KCNH7: variants seen among roughly 807,000 people sequenced by gnomAD.
KCNH7 encodes the protein potassium voltage-gated channel subfamily H member 7.
KCNH7 carries 49 observed loss-of-function variants against 120.8 expected under a neutral mutation model. The observed-to-expected ratio is 0.41, with a 90% CI of 0.32 to 0.51. KCNH7 has a LOEUF of 0.51. KCNH7 is among the 20% of genes least tolerant of loss of function. The pLI, the probability that KCNH7 is intolerant of heterozygous loss-of-function variation, is 0.38. For synonymous variants in KCNH7, 547 were observed against 516.1 expected, an observed-to-expected ratio of 1.06 and a Z score of -0.81; for missense variants, 1,097 against 1,446.6, an observed-to-expected ratio of 0.76 and a Z score of 3.92.
At chr2:162,514,135 A>C (rs1240402376) in intron 4 of KCNH7, among the ~76,000 whole-genome samples, 1 of 151,836 alleles carries the variant, frequency 6.6e-6, no homozygotes, top group Non-Finnish European at 1.5e-5. Flanking sequence ...ATATATCATA[A>C]TAATTTCAAA....
chr2:162,719,970 C>T (rs1025489871), intron 2 of KCNH7, among the ~76,000 whole-genome samples: 41 of 152,064 alleles, frequency 2.7e-4, no homozygotes, highest in African/African-American at 8.9e-4. Context: ...CAAGAAAAGT[C>T]TCCAATCTCA....
chr2:162,582,479 G>A (rs1693904733), intron 2 of KCNH7, among the ~76,000 whole-genome samples: 1 of 152,068 alleles, frequency 6.6e-6, no homozygotes, highest in South Asian at 2.1e-4. Context: ...ACTCGGTTGA[G>A]ACTTTCTGCC....
Position 162,706,277 on chromosome 2 carries a change from A to G in KCNH7, c.307+130260T>C, listed in dbSNP as rs371112725. Among the ~76,000 whole-genome samples, 14 of 152,252 alleles carry G rather than the reference A, an allele frequency of 9.2e-5. No homozygotes were observed. In the East Asian group the frequency reaches 1.5e-3, roughly 17 times the overall value. On this transcript the variant is annotated intron_variant, in intron 2 of 15. Coordinates refer to ENST00000332142, the MANE Select transcript of KCNH7 (RefSeq NM_033272.4). ...TTTTCCAATAGTAAAAAACTGGAGA[A>G]AATCTATAATCTCCATAAAAATGAC...
At chr2:162,388,359 A>AACACAC (rs112497083) in intron 12 of KCNH7, among the ~76,000 whole-genome samples, 3 of 148,958 alleles carry the variant, frequency 2.0e-5, no homozygotes, top group African/African-American at 7.4e-5. Flanking sequence ...TCCCCACATA[A>AACACAC]ACACACACAC....
At chr2:162,704,367 G>A (rs529202226) in intron 2 of KCNH7, among the ~76,000 whole-genome samples, 1 of 152,168 alleles carries the variant, frequency 6.6e-6, no homozygotes, top group East Asian at 1.9e-4. Flanking sequence ...AATTAGAGAA[G>A]CAATTCAATT....
chr2:162,760,754 T>C (rs551145283), intron 2 of KCNH7, among the ~76,000 whole-genome samples: 4 of 152,122 alleles, frequency 2.6e-5, no homozygotes, highest in Non-Finnish European at 5.9e-5. Flanking sequence ...TTTTATTTCA[T>C]TGCAGCATCT....
chr2:162,513,747 C>A (rs1691191518), intron 4 of KCNH7, among the ~76,000 whole-genome samples: 1 of 151,650 alleles, frequency 6.6e-6, no homozygotes, highest in South Asian at 2.1e-4. Flanking sequence ...GCAAATATAA[C>A]TCAAAGAGTC....
chr2:162,782,809 C>T (rs1399163014), intron 2 of KCNH7, among the ~76,000 whole-genome samples: 1 of 152,194 alleles, frequency 6.6e-6, no homozygotes, highest in Non-Finnish European at 1.5e-5. Context: ...CATCAATAGC[C>T]TGTAGGATGG....
At chr2:162,425,188 A>G (rs973631985) in intron 8 of KCNH7, among the ~76,000 whole-genome samples, 2 of 152,134 alleles carry the variant, frequency 1.3e-5, no homozygotes, top group African/African-American at 2.4e-5. Context: ...GTCTAGACCC[A>G]GTTACTGAGT....
chr2:162,681,131 T>TATATCG (rs71410024), intron 2 of KCNH7, among the ~76,000 whole-genome samples: 7 of 105,386 alleles, frequency 6.6e-5, no homozygotes, highest in African/African-American at 2.6e-4. Context: ...AAAATGAATT[T>TATATCG]ATTAAAACAA....
At chr2:162,631,327 A>AT (rs1171311075) in intron 2 of KCNH7, among the ~76,000 whole-genome samples, 4 of 151,872 alleles carry the variant, frequency 2.6e-5, no homozygotes, top group African/African-American at 9.7e-5. Flanking sequence ...GGCAAATTGC[A>AT]TTTTTTCCCT....
At chr2:162,773,365 G>A (rs553961409) in intron 2 of KCNH7, among the ~76,000 whole-genome samples, 1 of 152,102 alleles carries the variant, frequency 6.6e-6, no homozygotes, top group East Asian at 1.9e-4. Flanking sequence ...GCATGCACCT[G>A]CAGTCCTAAC....
intron 9 of KCNH7, among the ~76,000 whole-genome samples, chr2:162,412,202 A>T (rs1174802725): frequency 6.6e-6 from 1 of 152,086 alleles, no homozygotes; most frequent in Admixed American, 6.6e-5. Flanking sequence ...GAAATGCTTA[A>T]TATATTTTAT....
At chr2:162,408,273 A>G (rs13394200) in intron 9 of KCNH7, among the ~76,000 whole-genome samples, 21,802 of 152,012 alleles carry the variant, frequency 0.14, 4,172 homozygotes, top group African/African-American at 0.42. Context: ...TTTTTTACCA[A>G]TTGGGTATTG....
At chr2:162,511,274 T>G (rs1234036610) in intron 5 of KCNH7, among the ~76,000 whole-genome samples, 1 of 151,588 alleles carries the variant, frequency 6.6e-6, no homozygotes, top group Non-Finnish European at 1.5e-5. Context: ...TTGAGAAAAA[T>G]TAGGTTCATT....
chr2:162,397,366 A>C (rs1397472841), intron 10 of KCNH7, among the ~76,000 whole-genome samples: 2 of 151,962 alleles, frequency 1.3e-5, no homozygotes, highest in East Asian at 3.9e-4. Context: ...GGTGGTGCTC[A>C]GCAAGGGGTT....
intron 2 of KCNH7, among the ~76,000 whole-genome samples, chr2:162,688,378 C>T (rs193267382): frequency 2.1e-3 from 313 of 152,188 alleles, no homozygotes; most frequent in Non-Finnish European, 3.4e-3. Flanking sequence ...TCCATAACTG[C>T]GTAGTTGTAC....
chr2:162,542,115 C>T (rs1574081448), intron 2 of KCNH7, among the ~76,000 whole-genome samples: 1 of 150,576 alleles, frequency 6.6e-6, no homozygotes, highest in East Asian at 2.0e-4. Flanking sequence ...ATTTATTTGA[C>T]TGAAGAGACA....
chr2:162,552,322 T>A (rs1047816751), intron 2 of KCNH7, among the ~76,000 whole-genome samples: 1 of 152,194 alleles, frequency 6.6e-6, no homozygotes, highest in Non-Finnish European at 1.5e-5. Flanking sequence ...TTAACAGATA[T>A]TTATCAGAGT....
Sources: gnomAD v4.1 joint callset for allele counts (sites outside exome capture counted in the v4.1 genomes callset) on GRCh38, gnomAD v4.1.1 for gene constraint, MANE v1.5 for transcripts, NCBI Gene and HGNC (gene_info 2026-07-23, HGNC 2026-07-21) for gene names.